Variants in NAV2 observed in about 807,000 individuals in gnomAD.
NAV2 encodes neuron navigator 2, also known as helicase, APC down-regulated 1.
A neutral mutation model predicts 223.2 loss-of-function variants in NAV2; 54 were observed. The ratio of observed to expected loss-of-function variants is 0.24; its 90% CI spans 0.19 to 0.30. The LOEUF is 0.30. Ranked by LOEUF, NAV2 falls within the 10% of genes least tolerant of loss-of-function variation. The pLI is 1.00. For missense variants in NAV2, 2,806 were observed against 3,147.5 expected (o/e 0.89, Z 2.60); for synonymous variants, 1,279 against 1,239.3 (o/e 1.03, Z -0.67).
intron 6 of NAV2, among the ~76,000 whole-genome samples, chr11:19,903,161 G>A (rs2042587395): frequency 6.6e-6 from 1 of 152,334 alleles, no homozygotes; most frequent in South Asian, 2.1e-4. Flanking sequence ...CCAGTGTGTA[G>A]CCCACGTGCC....
At chr11:19,631,006 G>A (rs1725490793) in intron 1 of NAV2, among the ~76,000 whole-genome samples, 3 of 148,524 alleles carry the variant, frequency 2.0e-5, no homozygotes, top group East Asian at 3.9e-4. Flanking sequence ...TAAAAGCAGT[G>A]TTTTGTTTTG....
At chr11:19,394,936 A>G (rs10833101) in intron 1 of NAV2, among the ~76,000 whole-genome samples, 6,333 of 152,328 alleles carry the variant, frequency 0.042, 194 homozygotes, top group South Asian at 0.13. Context: ...TAACCAGTAC[A>G]TAATCCCGTA....
At chr11:19,406,933 T>C (rs1008997435) in intron 1 of NAV2, among the ~76,000 whole-genome samples, 1 of 152,196 alleles carries the variant, frequency 6.6e-6, no homozygotes, top group Admixed American at 6.5e-5. Flanking sequence ...ACTCCCCTAT[T>C]TTGGGGTAAC....
intron 26 of NAV2, among the ~76,000 whole-genome samples, chr11:20,088,743 T>A (rs1034923173): frequency 4.6e-5 from 7 of 152,090 alleles, no homozygotes; most frequent in African/African-American, 1.7e-4. Flanking sequence ...GGGAAAAGGG[T>A]GCAGATCAGG....
chr11:19,491,503 C>T (rs1051094660), intron 1 of NAV2, among the ~76,000 whole-genome samples: 4 of 152,184 alleles, frequency 2.6e-5, no homozygotes, highest in Non-Finnish European at 5.9e-5. Flanking sequence ...CCAACCTCTA[C>T]TAGCTTCAGA....
intron 1 of NAV2, among the ~76,000 whole-genome samples, chr11:19,479,472 T>C (rs112939756): frequency 5.8e-4 from 88 of 152,288 alleles, no homozygotes; most frequent in African/African-American, 1.9e-3. Flanking sequence ...TGTATATCCT[T>C]TCCATAAACC....
chr11:20,005,846 T>C (rs902120461), intron 11 of NAV2, among the ~76,000 whole-genome samples: 7 of 152,150 alleles, frequency 4.6e-5, no homozygotes, highest in Admixed American at 3.9e-4. Flanking sequence ...GAAGTAGTAA[T>C]AGCAGCAGCA....
intron 1 of NAV2, among the ~76,000 whole-genome samples, chr11:19,633,126 C>A (rs1437716829): frequency 6.6e-6 from 1 of 152,180 alleles, no homozygotes; most frequent in African/African-American, 2.4e-5. Context: ...AAGACAGCGA[C>A]CACTGAGATA....
intron 11 of NAV2, among the ~76,000 whole-genome samples, chr11:19,987,878 T>C (rs1329318815): frequency 6.6e-6 from 1 of 152,166 alleles, no homozygotes; most frequent in Non-Finnish European, 1.5e-5. Flanking sequence ...ATGGAGTGGC[T>C]TATTACACAT....
chr11:19,545,515 T>C (rs762763596), intron 1 of NAV2, among the ~76,000 whole-genome samples: 10 of 152,174 alleles, frequency 6.6e-5, no homozygotes, highest in Non-Finnish European at 1.0e-4. Flanking sequence ...CTTAAAGGGC[T>C]GGCATGGCGC....
chr11:19,883,734 T>A (rs545312867), intron 5 of NAV2, among the ~76,000 whole-genome samples: 1 of 152,244 alleles, frequency 6.6e-6, no homozygotes, highest in African/African-American at 2.4e-5. Flanking sequence ...AAATTCTTTA[T>A]ATGTACCAAT....
At chr11:19,428,322 A>G (rs1487112041) in intron 1 of NAV2, among the ~76,000 whole-genome samples, 2 of 152,144 alleles carry the variant, frequency 1.3e-5, no homozygotes, top group Admixed American at 6.5e-5. Flanking sequence ...GGGGTAGCCT[A>G]GTGGCTTATC....
intron 4 of NAV2, among the ~76,000 whole-genome samples, chr11:19,871,845 AC>A (rs572552154): frequency 1.6e-3 from 244 of 151,848 alleles, no homozygotes; most frequent in African/African-American, 5.7e-3. Flanking sequence ...TCTTGCCAGC[AC>A]CCCCACTTTG....
intron 1 of NAV2, among the ~76,000 whole-genome samples, chr11:19,584,011 C>CT (rs1395533789): frequency 2.0e-5 from 3 of 151,840 alleles, no homozygotes; most frequent in African/African-American, 7.3e-5. Context: ...TGGTCCTGGA[C>CT]TTTTTTTTGG....
At chr11:19,391,243 C>T (rs1362390547) in intron 1 of NAV2, among the ~76,000 whole-genome samples, 3 of 152,158 alleles carry the variant, frequency 2.0e-5, no homozygotes, top group Non-Finnish European at 4.4e-5. Context: ...CCCCTCTGAC[C>T]TGCCTCTGGC....
intron 1 of NAV2, among the ~76,000 whole-genome samples, chr11:19,528,272 T>C (rs1432595304): frequency 1.3e-5 from 2 of 152,138 alleles, no homozygotes; most frequent in Admixed American, 6.5e-5. Flanking sequence ...CTGCTGTAAA[T>C]CAGCCATCAT....
At chr11:19,907,166 A>T (rs1019842319) in intron 6 of NAV2, among the ~76,000 whole-genome samples, 1 of 152,200 alleles carries the variant, frequency 6.6e-6, no homozygotes, top group Non-Finnish European at 1.5e-5. Flanking sequence ...TGAATCAATG[A>T]TTTCATAAGT....
chr11:19,858,025 T>G (rs2061492651), intron 3 of NAV2, among the ~76,000 whole-genome samples: 1 of 152,010 alleles, frequency 6.6e-6, no homozygotes, highest in Non-Finnish European at 1.5e-5. Context: ...CCCGGCTAAT[T>G]TTTTGTATTT....
At chr11:19,578,600 G>T (rs1315466591) in intron 1 of NAV2, among the ~76,000 whole-genome samples, 1 of 152,190 alleles carries the variant, frequency 6.6e-6, no homozygotes, top group Non-Finnish European at 1.5e-5. Flanking sequence ...GTTCCTCCTA[G>T]TATACACTCT....
Sources: gnomAD v4.1 joint callset for allele counts (sites outside exome capture counted in the v4.1 genomes callset) on GRCh38, gnomAD v4.1.1 for gene constraint, MANE v1.5 for transcripts, NCBI Gene and HGNC (gene_info 2026-07-23, HGNC 2026-07-21) for gene names.